Variants in VAC14 observed in about 807,000 individuals in gnomAD.
The protein encoded by VAC14 is VAC14 component of PIKFYVE complex.
Under a neutral mutation model 85.3 loss-of-function variants are expected in VAC14, and 47 were observed. That is an observed-to-expected ratio of 0.55 (90% CI 0.44 to 0.70). The LOEUF (loss-of-function observed/expected upper bound fraction) is 0.70. Among genes scored for constraint, VAC14 ranks in the 30% least tolerant of loss-of-function variants. The pLI, the probability that VAC14 is intolerant of heterozygous loss-of-function variation, is 0.00. For synonymous variants in VAC14, 447 were observed against 430.5 expected (o/e 1.04, Z -0.47); for missense variants, 861 against 1,004.3 (o/e 0.86, Z 1.93).
chr16:70,713,397 T>A (rs1173302244), intron 14 of VAC14, among the ~76,000 whole-genome samples: 1 of 152,212 alleles, frequency 6.6e-6, no homozygotes, highest in East Asian at 1.9e-4. Context: ...AGACCACCAT[T>A]CTGGGTGCTG....
At chr16:70,696,432 A>G (rs540961497) in intron 16 of VAC14, among the ~76,000 whole-genome samples, 68 of 152,248 alleles carry the variant, frequency 4.5e-4, no homozygotes, top group Admixed American at 2.1e-3. Flanking sequence ...AGAATCACTT[A>G]AACCCAGGAG....
At chr16:70,738,394 CTT>C (rs1188943446) in intron 13 of VAC14, among the ~76,000 whole-genome samples, 1 of 152,212 alleles carries the variant, frequency 6.6e-6, no homozygotes, top group African/African-American at 2.4e-5. Flanking sequence ...AGCCAGGAGA[CTT>C]TGCAGCTGCT....
intron 13 of VAC14, among the ~76,000 whole-genome samples, chr16:70,742,763 C>T: frequency 6.6e-6 from 1 of 152,254 alleles, no homozygotes; most frequent in Non-Finnish European, 1.5e-5. Flanking sequence ...AGGAAGTACT[C>T]TCAGGCTGGG....
intron 13 of VAC14, among the ~76,000 whole-genome samples, chr16:70,744,071 A>G (rs1286913218): frequency 1.3e-5 from 2 of 151,946 alleles, no homozygotes; most frequent in African/African-American, 2.4e-5. Context: ...CACCTGTTAG[A>G]CCCCAAGACC....
intron 12 of VAC14, among the ~76,000 whole-genome samples, chr16:70,754,104 C>G (rs1482607385): frequency 1.3e-5 from 2 of 152,188 alleles, no homozygotes; most frequent in Non-Finnish European, 2.9e-5. Flanking sequence ...GGGCAAGGAA[C>G]ATGGAGAGGT....
In VAC14 at chr16:70,698,838, G is replaced by C. The variant is rs933675402; in HGVS notation, c.1662-27C>G. Reference sequence around the variant, plus strand: ...TGGAGAGCAGGCAGACTGGGGTCAGGGCGCAGGCCGACCTGGAAGGCTCTG... The same window carrying C: ...TGGAGAGCAGGCAGACTGGGGTCAGCGCGCAGGCCGACCTGGAAGGCTCTG... On this transcript the variant is annotated intron_variant, in intron 14 of 18. Coordinates refer to ENST00000261776, the MANE Select transcript of VAC14 (RefSeq NM_018052.5). The C allele has an allele frequency of 1.1e-5, 17 of 1,611,102 alleles. No individual in the cohort carries two copies. The Admixed American group carries it at 2.2e-4, about 21-fold the overall frequency.
intron 10 of VAC14, 54 bp from the exon 11 acceptor site, chr16:70,763,079 C>G (rs528774350): frequency 6.2e-7 from 1 of 1,609,538 alleles, no homozygotes; most frequent in South Asian, 1.1e-5. Context: ...TAGCCCTCTC[C>G]CATGGAGTCA....
intron 14 of VAC14, 72 bp from the exon 15 acceptor site, chr16:70,698,883 T>A (rs564241685): frequency 6.9e-7 from 1 of 1,451,808 alleles, no homozygotes; most frequent in Non-Finnish European, 9.3e-7. Context: ...CTGGGAGGCC[T>A]CCTCTTGGTT....
In VAC14 at chr16:70,762,962, G is replaced by A. The variant is rs754648229; in HGVS notation, c.1224C>T (p.Leu408=). 7 of 1,614,116 alleles carry A rather than the reference G, an allele frequency of 4.3e-6. No homozygotes were observed. The East Asian group carries it at 6.7e-5, about 15-fold the overall frequency. ...TCATCATCCCAATGGCCGTGTCACT[G>A]AGGTGGCAGTTTAGGACCTGCACGA... ...DGIVQVLNCH[L]SDTAIGMMTR... The change falls in exon 11 of 19, where the codon CTC becomes CTT. Residue 408 remains leucine (L), a synonymous_variant. Coordinates refer to ENST00000261776, the MANE Select transcript of VAC14 (RefSeq NM_018052.5). The surrounding 1 kb of genome is among the most constrained non-coding windows in gnomAD (Gnocchi z 4.1).
intron 10 of VAC14, among the ~76,000 whole-genome samples, chr16:70,765,250 C>T (rs541874649): frequency 6.6e-6 from 1 of 152,150 alleles, no homozygotes; most frequent in Non-Finnish European, 1.5e-5. Flanking sequence ...TGAAACAGTA[C>T]CCCCTGGGAG....
At chr16:70,783,978 T>G (rs1420742514) in intron 5 of VAC14, 135 bp downstream of exon 5, 1 of 714,080 alleles carries the variant, frequency 1.4e-6, no homozygotes, top group African/African-American at 1.8e-5. Context: ...AAGGTGTTTT[T>G]GAATTATCAG....
At chr16:70,778,853 T>C (rs1383643512) in intron 9 of VAC14, 1 of 152,202 alleles carries the variant, frequency 6.6e-6, no homozygotes, top group Admixed American at 6.5e-5. Context: ...AAAATTAGAA[T>C]TAGAAAACAA....
intron 16 of VAC14, among the ~76,000 whole-genome samples, chr16:70,696,739 C>G (rs183445288): frequency 2.0e-5 from 3 of 152,142 alleles, no homozygotes; most frequent in East Asian, 1.9e-4. Context: ...CCTTCTCCCC[C>G]ACCCCCACAC....
intron 12 of VAC14, among the ~76,000 whole-genome samples, chr16:70,751,342 G>A (rs80061983): frequency 0.025 from 3,868 of 152,318 alleles, 172 homozygotes; most frequent in African/African-American, 0.087. Flanking sequence ...GTGAACTCAG[G>A]CTAAAGGCCT....
intron 9 of VAC14, among the ~76,000 whole-genome samples, chr16:70,775,134 T>G (rs1180575020): frequency 6.6e-6 from 1 of 152,352 alleles, no homozygotes; most frequent in East Asian, 1.9e-4. Flanking sequence ...TATGGACTCC[T>G]GGATATTGAT....
At chr16:70,775,838 C>T (rs2033488266) in intron 9 of VAC14, among the ~76,000 whole-genome samples, 1 of 152,236 alleles carries the variant, frequency 6.6e-6, no homozygotes, top group African/African-American at 2.4e-5. Context: ...CAGATTTTCA[C>T]TCTTACATCT....
At chr16:70,697,689 C>T (rs972393369) in intron 15 of VAC14, among the ~76,000 whole-genome samples, 12 of 152,188 alleles carry the variant, frequency 7.9e-5, no homozygotes, top group African/African-American at 1.2e-4. Context: ...CAGTCCACTT[C>T]GAACACTTGG....
At chr16:70,726,287 A>G (rs2054425791) in intron 14 of VAC14, among the ~76,000 whole-genome samples, 1 of 152,216 alleles carries the variant, frequency 6.6e-6, no homozygotes, top group Non-Finnish European at 1.5e-5. Flanking sequence ...GAGTTGTTTT[A>G]GCGGAGCCGG....
At chr16:70,768,888 C>T in intron 10 of VAC14, 1 of 448,444 alleles carries the variant, frequency 2.2e-6, no homozygotes, top group South Asian at 1.6e-5. Context: ...GAAACCTCCG[C>T]CTCCCAGGTT....
Sources: gnomAD v4.1 joint callset for allele counts (sites outside exome capture counted in the v4.1 genomes callset) on GRCh38, gnomAD v4.1.1 for gene constraint, Gnocchi (gnomAD v3.1) non-coding constraint, MANE v1.5 for transcripts, NCBI Gene and HGNC (gene_info 2026-07-23, HGNC 2026-07-21) for gene names.